The following RBM43 variants were observed in gnomAD, a reference collection of about 807,000 sequenced individuals.
RBM43 encodes the protein RNA-binding protein 43.
Under a neutral mutation model 12.4 loss-of-function variants are expected in RBM43, and 12 were observed. The ratio of observed to expected loss-of-function variants is 0.97; its 90% CI spans 0.62 to 1.57. The LOEUF (loss-of-function observed/expected upper bound fraction) is 1.57, where lower values mean the gene tolerates loss of function less well. Ranked by LOEUF, RBM43 falls within the 40% of genes most tolerant of loss-of-function variation. The pLI, the probability that RBM43 is intolerant of heterozygous loss-of-function variation, is 0.00. For synonymous variants in RBM43, 138 were observed against 145.7 expected (o/e 0.95, Z 0.38); for missense variants, 348 against 400.1 (o/e 0.87, Z 1.11).
chr2:151,256,942 C>A (rs289916), intron 1 of RBM43, among the ~76,000 whole-genome samples: 19,671 of 152,218 alleles, frequency 0.13, 1,410 homozygotes, highest in South Asian at 0.18. Flanking sequence ...CTATTGCAGA[C>A]CCTGCCACCA....
At chr2:151,260,010 C>T (rs1488292235) in intron 1 of RBM43, among the ~76,000 whole-genome samples, 1 of 151,840 alleles carries the variant, frequency 6.6e-6, no homozygotes, top group East Asian at 1.9e-4. Context: ...GGACTACAGG[C>T]ATCAGCCACC....
rs1164154391 is a variant in RBM43 at position 151,248,838 on chromosome 2, C to G, written c.*2068G>C. On this transcript the variant is annotated 3_prime_UTR_variant, in exon 4 of 4. Transcript: ENST00000331426. ...ACACAAAGGCCAAATAAATACAAGA[C>G]AGGACAGAAAATAAAATACATGCTT... The G allele has an allele frequency of 6.6e-6, 1 of 152,064 alleles. No individual in the cohort carries two copies. Among genetic ancestry groups the G allele is most frequent in the East Asian group, 1.9e-4 (1 of 5,202 alleles). The allele number at this position is 152,064 out of a possible 1,614,324, so 9.4% of individuals were successfully genotyped here.
Position 151,250,616 on chromosome 2 carries a change from A to AAT in RBM43, c.*289_*290insAT. On this transcript the variant is annotated 3_prime_UTR_variant, in exon 4 of 4. Coordinates refer to ENST00000331426, the MANE Select transcript of RBM43 (RefSeq NM_198557.3). ...TCCATCTCAAAAAAAAAAAAAAAAA[A>AAT]GTTTGGTGAGTTTTTTTCAAAGTTT... 4.6e-6 allele frequency: 1 copy of AAT among 219,776 alleles called. No homozygotes were observed. 13.6% of individuals were successfully genotyped at this position (219,776 alleles called of 1,614,324 possible).
At chr2:151,259,671 A>T (rs1683022034) in intron 1 of RBM43, among the ~76,000 whole-genome samples, 1 of 152,102 alleles carries the variant, frequency 6.6e-6, no homozygotes, top group South Asian at 2.1e-4. Context: ...TTGAAAATTT[A>T]AATATGGTTA....
chr2:151,261,549 C>T lies in RBM43; in HGVS notation c.3+176G>A, dbSNP rs111680131. 3.7e-4 allele frequency: 575 copies of T among 1,544,214 alleles called. 2 individuals carry two copies. In the African/African-American group the frequency reaches 6.2e-3, roughly 17 times the overall value. On this transcript the variant is annotated intron_variant, in intron 1 of 3. Coordinates refer to ENST00000331426, the MANE Select transcript of RBM43 (RefSeq NM_198557.3). ...GCGAGGCTGACCTGAGTTTGCCCGC[C>T]GGGGTGGACGGCTCTCCGGGGCCCC... is the stretch of plus-strand genomic sequence containing the variant.
chr2:151,257,298 G>T (rs368445483), intron 1 of RBM43, among the ~76,000 whole-genome samples: 1 of 147,714 alleles, frequency 6.8e-6, no homozygotes, highest in Non-Finnish European at 1.5e-5. Flanking sequence ...GTAAGAGCAC[G>T]CATGCGTGCA....
intron 2 of RBM43, among the ~76,000 whole-genome samples, chr2:151,253,835 T>A (rs1274012536): frequency 6.6e-6 from 1 of 152,106 alleles, no homozygotes; most frequent in Admixed American, 6.5e-5. Flanking sequence ...ACAGGCCTCC[T>A]TGCTGTTCTT....
intron 1 of RBM43, chr2:151,261,341 G>C (rs1466752487): frequency 9.0e-6 from 14 of 1,550,506 alleles, no homozygotes; most frequent in Non-Finnish European, 1.2e-5. Context: ...CGAGGCGTGG[G>C]AGGACAACAG....
In RBM43 at chr2:151,249,254, A is replaced by G. The variant is rs747724873; in HGVS notation, c.*1652T>C. 2 of 152,200 alleles carry G rather than the reference A, an allele frequency of 1.3e-5. No homozygotes were observed. Among genetic ancestry groups the G allele is most frequent in the Non-Finnish European group, 2.9e-5 (2 of 68,036 alleles). The allele number at this position is 152,200 out of a possible 1,614,324, so 9.4% of individuals were successfully genotyped here. On this transcript the variant is annotated 3_prime_UTR_variant, in exon 4 of 4. Transcript: ENST00000331426. ...GTCAAAATGAAAATGTAGACACAAA[A>G]CTAAATTTAATGTTTTGAGAAGAAA...
chr2:151,249,062 C>G lies in RBM43; in HGVS notation c.*1844G>C, dbSNP rs575841279. The G allele has an allele frequency of 1.3e-5, 2 of 151,958 alleles. No homozygotes were observed. The highest frequency in any genetic ancestry group is 2.9e-5 in the Non-Finnish European group (2 of 68,016). 9.4% of individuals were successfully genotyped at this position (151,958 alleles called of 1,614,324 possible). ...TCGAACCATATCTGAGAGTTCTGTCCAAGAGATACTTACTGGAGGGAGAAA... is the reference window on the plus strand; with the variant it reads ...TCGAACCATATCTGAGAGTTCTGTCGAAGAGATACTTACTGGAGGGAGAAA... On this transcript the variant is annotated 3_prime_UTR_variant, in exon 4 of 4. Coordinates refer to ENST00000331426, the MANE Select transcript of RBM43 (RefSeq NM_198557.3).
At chr2:151,261,467 T>C (rs542954261) in intron 1 of RBM43, 1 of 1,550,496 alleles carries the variant, frequency 6.4e-7, no homozygotes, top group African/African-American at 1.4e-5. Context: ...GGGCCTATAC[T>C]GCACCGCCGT....
intron 1 of RBM43, among the ~76,000 whole-genome samples, chr2:151,260,559 C>A (rs1040655516): frequency 1.3e-5 from 2 of 152,088 alleles, no homozygotes; most frequent in Non-Finnish European, 2.9e-5. Flanking sequence ...TCTCCCTGAA[C>A]CAGTATTTTT....
chr2:151,254,067 A>T (rs1682943548), intron 2 of RBM43, among the ~76,000 whole-genome samples: 1 of 152,080 alleles, frequency 6.6e-6, no homozygotes, highest in Non-Finnish European at 1.5e-5. Flanking sequence ...TGAATATATA[A>T]TCATAAATAT....
At chr2:151,252,078 T>C (rs1330288449) in intron 3 of RBM43, among the ~76,000 whole-genome samples, 1 of 152,198 alleles carries the variant, frequency 6.6e-6, no homozygotes, top group East Asian at 1.9e-4. Context: ...AAACCATTGC[T>C]TTGGATTTTA....
intron 1 of RBM43, among the ~76,000 whole-genome samples, chr2:151,259,626 G>C (rs1024806168): frequency 6.6e-6 from 1 of 151,800 alleles, no homozygotes. Flanking sequence ...GTGACAGAGT[G>C]AGACTCTGTC....
In RBM43 at chr2:151,251,206, T is replaced by A. The variant is rs1682898717; in HGVS notation, c.774A>T (p.Thr258=). The change falls in exon 4 of 4, where the codon ACA becomes ACT. Residue 258 remains threonine (T), a synonymous_variant. Transcript: ENST00000331426. ...SQEKVDGEIT[T]ICLKSIQVGS... is the part of the protein sequence containing the mutation. ...CAACTTGAATGCTTTTTAGACAAAT[T>A]GTGGTGATTTCACCATCCACTTTCT... is the stretch of plus-strand genomic sequence containing the variant. 1 of 1,613,992 alleles carries A rather than the reference T, an allele frequency of 6.2e-7. No individual in the cohort carries two copies. The highest frequency in any genetic ancestry group is 1.1e-5 in the South Asian group (1 of 91,086).
chr2:151,255,451 G>T, intron 2 of RBM43, 82 bp downstream of exon 2: 3 of 980,254 alleles, frequency 3.1e-6, no homozygotes, highest in Non-Finnish European at 1.5e-6. Flanking sequence ...TACCAATTCC[G>T]TGGATCATTT....
chr2:151,253,755 A>G (rs1682938391), intron 2 of RBM43, among the ~76,000 whole-genome samples: 1 of 152,136 alleles, frequency 6.6e-6, no homozygotes, highest in Admixed American at 6.5e-5. Context: ...TACTGAGCAT[A>G]AACTGGCCCC....
In RBM43 at chr2:151,255,746, G is replaced by A. The variant is rs2105191550; in HGVS notation, c.4-3C>T. 4 of 1,604,246 alleles carry A rather than the reference G, an allele frequency of 2.5e-6. No individual in the cohort carries two copies. Among genetic ancestry groups the A allele is most frequent in the East Asian group, 2.2e-5 (1 of 44,786 alleles). ...TCCTTGACATTCAAAACTGATGCCT[G>A]TAAGAGAAACAGCAGGTTATTCTTT... On this transcript the variant is annotated splice_region_variant and splice_polypyrimidine_tract_variant and intron_variant, in intron 1 of 3. Transcript: ENST00000331426.
Sources: allele counts gnomAD v4.1 joint callset (sites outside exome capture counted in the v4.1 genomes callset), GRCh38; gene constraint gnomAD v4.1.1; transcripts MANE v1.5; gene names NCBI Gene and HGNC (gene_info 2026-07-23, HGNC 2026-07-21).